Variants in NBAS observed in about 807,000 individuals in gnomAD.
The protein encoded by NBAS is NAG/BC035112 fusion.
Under a neutral mutation model 302.5 loss-of-function variants are expected in NBAS, and 219 were observed. The observed-to-expected ratio is 0.72, with a 90% confidence interval of 0.65 to 0.81. NBAS has a LOEUF of 0.81. Ranked by LOEUF, NBAS falls within the 30% of genes least tolerant of loss-of-function variation. NBAS has a pLI of 0.00. For missense variants in NBAS, 2,932 were observed against 2,841.6 expected, an observed-to-expected ratio of 1.03 and a Z score of -0.72; for synonymous variants, 1,118 against 1,021.6, an observed-to-expected ratio of 1.09 and a Z score of -1.80.
chr2:15,236,723 C>G (rs12987400), intron 45 of NBAS, among the ~76,000 whole-genome samples: 87,511 of 151,584 alleles, frequency 0.58, 28,388 homozygotes, highest in African/African-American at 0.86. Flanking sequence ...TTTTACTCTA[C>G]TTCTCCTAAT....
At chr2:15,545,320 A>C (rs983477644) in intron 6 of NBAS, among the ~76,000 whole-genome samples, 1 of 152,218 alleles carries the variant, frequency 6.6e-6, no homozygotes, top group African/African-American at 2.4e-5. Flanking sequence ...GAAGAAAGGA[A>C]CTATTAATAA....
intron 21 of NBAS, among the ~76,000 whole-genome samples, chr2:15,447,121 T>C (rs981654311): frequency 7.2e-5 from 11 of 152,264 alleles, no homozygotes; most frequent in Admixed American, 6.5e-4. Context: ...AATGGGACAG[T>C]AGTAAACAAA....
At chr2:15,044,931 T>C in the NBAS span, among the ~76,000 whole-genome samples, 200 of 152,302 alleles carry the variant, frequency 1.3e-3, 1 homozygote, top group African/African-American at 4.6e-3. Flanking sequence ...CAAAACATAA[T>C]TGGGGTAAGG....
At chr2:14,855,716 A>C in the NBAS span, among the ~76,000 whole-genome samples, 2 of 152,160 alleles carry the variant, frequency 1.3e-5, no homozygotes, top group African/African-American at 4.8e-5. Flanking sequence ...TGGGAAGGAC[A>C]GCCTTGTGTT....
chr2:15,320,399 G>C (rs756731097), intron 38 of NBAS, among the ~76,000 whole-genome samples: 1 of 152,162 alleles, frequency 6.6e-6, no homozygotes, highest in Non-Finnish European at 1.5e-5. Context: ...TCTGGCCAGG[G>C]CAATCAGGCA....
the NBAS span, among the ~76,000 whole-genome samples, chr2:14,782,919 A>G: frequency 1.3e-5 from 2 of 152,164 alleles, no homozygotes; most frequent in Admixed American, 6.5e-5. Context: ...GAATACATGG[A>G]CACATAGAGG....
intron 47 of NBAS, among the ~76,000 whole-genome samples, chr2:15,223,907 G>A (rs542966257): frequency 6.6e-6 from 1 of 152,110 alleles, no homozygotes; most frequent in Non-Finnish European, 1.5e-5. Context: ...GTAGGGAATT[G>A]CTTCCACCTT....
intron 21 of NBAS, among the ~76,000 whole-genome samples, chr2:15,447,497 G>A (rs557536683): frequency 1.3e-5 from 2 of 152,290 alleles, no homozygotes; most frequent in South Asian, 4.1e-4. Context: ...CTGGAGTGAG[G>A]TGGCTAGAAG....
chr2:15,069,001 C>T, the NBAS span, among the ~76,000 whole-genome samples: 2 of 152,092 alleles, frequency 1.3e-5, no homozygotes, highest in African/African-American at 4.8e-5. Flanking sequence ...CTTAGCATGT[C>T]CCTCTGATCT....
intron 41 of NBAS, among the ~76,000 whole-genome samples, chr2:15,291,390 G>T (rs1670298106): frequency 6.6e-6 from 1 of 152,226 alleles, no homozygotes; most frequent in South Asian, 2.1e-4. Flanking sequence ...AGAGCACTTT[G>T]CACAGTGCCT....
the NBAS span, among the ~76,000 whole-genome samples, chr2:14,787,223 A>G: frequency 5.3e-5 from 8 of 152,164 alleles, no homozygotes; most frequent in East Asian, 1.9e-4. Flanking sequence ...GTCTCTGCAC[A>G]TGAGATGGGT....
At chr2:15,328,943 C>A (rs1378195642) in intron 36 of NBAS, among the ~76,000 whole-genome samples, 1 of 152,184 alleles carries the variant, frequency 6.6e-6, no homozygotes, top group Non-Finnish European at 1.5e-5. Flanking sequence ...ACCTTACCTG[C>A]TGAATCCTTG....
At chr2:15,493,556 A>G (rs1002088413) in intron 11 of NBAS, among the ~76,000 whole-genome samples, 1 of 152,074 alleles carries the variant, frequency 6.6e-6, no homozygotes, top group Non-Finnish European at 1.5e-5. Flanking sequence ...AATCCCAGCT[A>G]CTTAGAAGGC....
the NBAS span, among the ~76,000 whole-genome samples, chr2:14,953,885 G>T: frequency 6.6e-6 from 1 of 152,180 alleles, no homozygotes; most frequent in East Asian, 1.9e-4. Context: ...ACCATGAGAG[G>T]TGATGCTTCA....
At chr2:15,334,982 T>C (rs1034592772) in intron 35 of NBAS, among the ~76,000 whole-genome samples, 1 of 152,206 alleles carries the variant, frequency 6.6e-6, no homozygotes, top group Non-Finnish European at 1.5e-5. Context: ...ATACTTTATA[T>C]GAATGAAATC....
At chr2:15,455,576 A>G (rs1679212578) in intron 21 of NBAS, among the ~76,000 whole-genome samples, 1 of 152,024 alleles carries the variant, frequency 6.6e-6, no homozygotes, top group South Asian at 2.1e-4. Flanking sequence ...TTCTGTATTA[A>G]TAATAATTGC....
rs74735172 is a variant in NBAS at position 15,414,533 on chromosome 2, C to A, written c.2937+1013G>T. Among the ~76,000 whole-genome samples the A allele has an allele frequency of 6.8e-3, 1,030 of 152,192 alleles. 12 individuals carry two copies. The highest frequency in any genetic ancestry group is 0.022 in the African/African-American group (929 of 41,522). On this transcript the variant is annotated intron_variant, in intron 25 of 51. Coordinates refer to ENST00000281513, the MANE Select transcript of NBAS (RefSeq NM_015909.4). The stretch of plus-strand genomic sequence containing the variant: ...TAGGTTTCTGATATTGCCAAAGTAC[C>A]CTACACTTAACAAAATGACTATACT...
intron 44 of NBAS, among the ~76,000 whole-genome samples, chr2:15,273,786 C>T (rs9917271): frequency 0.54 from 82,419 of 151,844 alleles, 24,495 homozygotes; most frequent in East Asian, 0.85. Context: ...TTTAAAATCA[C>T]CCTTATTGGC....
At chr2:14,795,665 C>T in the NBAS span, among the ~76,000 whole-genome samples, 2 of 152,136 alleles carry the variant, frequency 1.3e-5, no homozygotes, top group African/African-American at 4.8e-5. Context: ...CAGCTTGGCA[C>T]TATTAATATT....
Sources: gnomAD v4.1 joint callset for allele counts (sites outside exome capture counted in the v4.1 genomes callset) on GRCh38, gnomAD v4.1.1 for gene constraint, MANE v1.5 for transcripts, NCBI Gene and HGNC (gene_info 2026-07-23, HGNC 2026-07-21) for gene names.